The following FREM3 variants were observed in gnomAD, a reference collection of about 807,000 sequenced individuals.
The protein encoded by FREM3 is FRAS1-related extracellular matrix protein 3.
FREM3 carries 105 observed loss-of-function variants against 129.1 expected under a neutral mutation model. The observed-to-expected ratio is 0.81, with a 90% confidence interval of 0.69 to 0.96. FREM3 has a LOEUF of 0.96. FREM3 is among the 40% of genes least tolerant of loss of function. The pLI is 0.00. For synonymous variants in FREM3, 1,014 were observed against 1,044.9 expected (o/e 0.97, Z 0.57); for missense variants, 2,593 against 2,666.3 (o/e 0.97, Z 0.61).
At chr4:143,647,004 T>C (rs529358164) in intron 2 of FREM3, among the ~76,000 whole-genome samples, 1 of 151,966 alleles carries the variant, frequency 6.6e-6, no homozygotes, top group Non-Finnish European at 1.5e-5. Context: ...GACAGGAAGG[T>C]GTGGGAAAGT....
At chr4:143,595,005 G>T (rs1738441390) in intron 6 of FREM3, among the ~76,000 whole-genome samples, 1 of 152,224 alleles carries the variant, frequency 6.6e-6, no homozygotes. Flanking sequence ...CTTTAAGAGA[G>T]AATGTTCTTT....
chr4:143,689,164 T>C (rs937592400), intron 2 of FREM3, among the ~76,000 whole-genome samples: 7 of 151,900 alleles, frequency 4.6e-5, no homozygotes, highest in African/African-American at 1.7e-4. Flanking sequence ...TACGACGAAC[T>C]CAAACAAATC....
chr4:143,693,240 C>T, intron 1 of FREM3, 38 bp from the exon 2 acceptor site: 1 of 1,096,072 alleles, frequency 9.1e-7, no homozygotes, highest in Non-Finnish European at 1.3e-6. Context: ...GTCATATTGG[C>T]ACAAATGAAA....
intron 2 of FREM3, among the ~76,000 whole-genome samples, chr4:143,669,519 G>A (rs747176977): frequency 1.1e-4 from 16 of 151,754 alleles, no homozygotes; most frequent in South Asian, 6.2e-4. Flanking sequence ...AACTCTTGGC[G>A]TCAAGTGATG....
At chr4:143,637,013 C>A (rs1424659085) in intron 2 of FREM3, among the ~76,000 whole-genome samples, 2 of 152,140 alleles carry the variant, frequency 1.3e-5, no homozygotes, top group Non-Finnish European at 2.9e-5. Flanking sequence ...CAAATAGCTT[C>A]ATTGTCATAA....
chr4:143,697,944 G>T lies in FREM3; in HGVS notation c.2732C>A (p.Thr911Asn). The part of the protein sequence containing the change: ...SYQHGRDQTT[T>N]SDTFHLEVSD... ...TACTTCCAGATGGAAAGTGTCACTGGTAGTCGTCTGGTCTCTGCCATGCTG... is the reference window on the plus strand; with the variant it reads ...TACTTCCAGATGGAAAGTGTCACTGTTAGTCGTCTGGTCTCTGCCATGCTG... The change falls in exon 1 of 8, where the codon ACC becomes AAC. Residue 911 changes from threonine to asparagine, a missense_variant. This residue lies in a region of FREM3 where 2,276 missense variants were observed against 2,267.2 expected (regional missense o/e 1.00). Transcript: ENST00000329798. 1 of 1,537,804 alleles carries T rather than the reference G, an allele frequency of 6.5e-7. No homozygotes were observed. The highest frequency in any genetic ancestry group is 8.7e-7 in the Non-Finnish European group (1 of 1,147,054).
rs1448174045 is a variant in FREM3, at chr4:143,696,554, G to T, written c.4122C>A (p.Asn1374Lys). ...EVRNNLTLGM[N>K]FTQDEINRGL... ...CTCTGTTAATCTCATCCTGGGTAAA[G>T]TTCATTCCCAGAGTAAGATTGTTCC... Residue 1374 changes from asparagine (N) to lysine (K), a missense_variant, in exon 1 of 8, where the codon AAC becomes AAA. Around this residue, in one of 2 missense-constraint regions of FREM3, gnomAD observed 2,276 missense variants for 2,267.2 expected, o/e 1.00. Coordinates refer to ENST00000329798, the MANE Select transcript of FREM3 (RefSeq NM_001168235.2). 1 of 1,537,348 alleles carries T rather than the reference G, an allele frequency of 6.5e-7. No individual in the cohort carries two copies. The highest frequency in any genetic ancestry group is 8.7e-7 in the Non-Finnish European group (1 of 1,146,964).
At chr4:143,662,971 G>A (rs1578857392) in intron 2 of FREM3, among the ~76,000 whole-genome samples, 1 of 152,242 alleles carries the variant, frequency 6.6e-6, no homozygotes, top group East Asian at 1.9e-4. Context: ...TTGAGCCTAT[G>A]TGTATTTCTG....
intron 5 of FREM3, among the ~76,000 whole-genome samples, chr4:143,616,236 A>G (rs937070215): frequency 3.3e-5 from 5 of 152,216 alleles, no homozygotes; most frequent in African/African-American, 4.8e-5. Flanking sequence ...TGGAGTTGAA[A>G]TAAAGACATG....
chr4:143,578,803 A>T (rs1738083564), intron 7 of FREM3, among the ~76,000 whole-genome samples: 1 of 152,252 alleles, frequency 6.6e-6, no homozygotes, highest in Non-Finnish European at 1.5e-5. Context: ...AGGTGTTGAG[A>T]GGACTGTTGT....
chr4:143,654,747 T>A (rs1739570005), intron 2 of FREM3, among the ~76,000 whole-genome samples: 2 of 152,042 alleles, frequency 1.3e-5, no homozygotes, highest in Non-Finnish European at 2.9e-5. Flanking sequence ...AGGGGCCCCA[T>A]TTTTTTTGAC....
intron 5 of FREM3, among the ~76,000 whole-genome samples, chr4:143,614,959 C>G (rs778674807): frequency 2.0e-5 from 3 of 152,172 alleles, no homozygotes; most frequent in Admixed American, 6.5e-5. Flanking sequence ...AGGCCTCCCT[C>G]ACCTCACTGG....
intron 2 of FREM3, among the ~76,000 whole-genome samples, chr4:143,663,190 A>G (rs1469141279): frequency 6.6e-6 from 1 of 151,994 alleles, no homozygotes; most frequent in African/African-American, 2.4e-5. Flanking sequence ...GATGGTCTTT[A>G]CATTTTGGCA....
chr4:143,630,345 A>T (rs984430592), intron 2 of FREM3, among the ~76,000 whole-genome samples: 2 of 152,178 alleles, frequency 1.3e-5, no homozygotes, highest in Non-Finnish European at 2.9e-5. Context: ...TGGTTAATAC[A>T]TCTTTTAAAA....
At position 143,580,909 on chromosome 4, in the gene FREM3, T is replaced by TA. The variant is rs1011679973; in HGVS notation, c.6179-3058dup. Among the ~76,000 whole-genome samples, 21 of 152,248 alleles carry TA rather than the reference T, an allele frequency of 1.4e-4. No individual in the cohort carries two copies. In the South Asian group the frequency reaches 2.7e-3, roughly 20 times the overall value. ...CATGAGTCCTGCTTCTGCTACCTCT[T>TA]ACTGGGCAGGGCCTCCCGACCTGGG... On this transcript the variant is annotated intron_variant, in intron 7 of 7. Transcript: ENST00000329798.
chr4:143,590,222 C>A (rs866917027), intron 6 of FREM3, among the ~76,000 whole-genome samples: 32 of 152,138 alleles, frequency 2.1e-4, no homozygotes, highest in African/African-American at 7.7e-4. Context: ...AATTGAATAC[C>A]CTTTATTTCC....
intron 2 of FREM3, among the ~76,000 whole-genome samples, chr4:143,643,867 T>C (rs1300497344): frequency 6.6e-6 from 1 of 152,300 alleles, no homozygotes; most frequent in Non-Finnish European, 1.5e-5. Context: ...ATGGATACGG[T>C]AATTACCTTG....
chr4:143,668,088 T>C (rs1156283116), intron 2 of FREM3, among the ~76,000 whole-genome samples: 1 of 152,246 alleles, frequency 6.6e-6, no homozygotes, highest in Non-Finnish European at 1.5e-5. Flanking sequence ...ATGAAAGTGT[T>C]TTATATTTTC....
At chr4:143,578,413 T>A (rs1369946540) in intron 7 of FREM3, among the ~76,000 whole-genome samples, 1 of 152,168 alleles carries the variant, frequency 6.6e-6, no homozygotes, top group Non-Finnish European at 1.5e-5. Flanking sequence ...AATGTAATGA[T>A]CGTAACATGA....
Sources: allele counts gnomAD v4.1 joint callset (sites outside exome capture counted in the v4.1 genomes callset), GRCh38; gene constraint gnomAD v4.1.1; regional missense constraint gnomAD v4.1.1; transcripts MANE v1.5; gene names NCBI Gene and HGNC (gene_info 2026-07-23, HGNC 2026-07-21).